The following RPTOR variants were observed in gnomAD, a reference collection of about 807,000 sequenced individuals.
The protein encoded by RPTOR is regulatory-associated protein of mTOR.
In RPTOR, 21 loss-of-function variants were observed where a neutral mutation model predicts 169.9. The observed-to-expected ratio is 0.12, with a 90% CI of 0.09 to 0.18. The LOEUF (loss-of-function observed/expected upper bound fraction) is 0.18. Among genes scored for constraint, RPTOR ranks in the 10% least tolerant of loss-of-function variants. The pLI, the probability that RPTOR is intolerant of heterozygous loss-of-function variation, is 1.00. For synonymous variants in RPTOR, 732 were observed against 753.2 expected (o/e 0.97, Z 0.46); for missense variants, 1,133 against 1,855.9 (o/e 0.61, Z 7.16).
intron 20 of RPTOR, among the ~76,000 whole-genome samples, chr17:80,902,323 C>A (rs1039172746): frequency 6.6e-6 from 1 of 152,236 alleles, no homozygotes; most frequent in African/African-American, 2.4e-5. Context: ...TCCTGCCCCC[C>A]GTCTCAGCAG....
At chr17:80,658,715 T>C (rs2065698119) in intron 3 of RPTOR, among the ~76,000 whole-genome samples, 1 of 149,566 alleles carries the variant, frequency 6.7e-6, no homozygotes, top group Non-Finnish European at 1.5e-5. Flanking sequence ...TCTCATGTTC[T>C]GTTCCGAGTT....
chr17:80,583,511 G>T (rs1411780919), intron 1 of RPTOR, among the ~76,000 whole-genome samples: 2 of 152,150 alleles, frequency 1.3e-5, no homozygotes, highest in African/African-American at 4.8e-5. Context: ...TCTTTCTGAG[G>T]CCTGTCCCAC....
At chr17:80,768,168 A>AT (rs201321528) in intron 6 of RPTOR, among the ~76,000 whole-genome samples, 63 of 151,638 alleles carry the variant, frequency 4.2e-4, no homozygotes, top group Admixed American at 3.1e-3. Flanking sequence ...GACCACGTGA[A>AT]TTTTTTTTTA....
At chr17:80,893,910 C>T (rs745523608) in intron 20 of RPTOR, 45 bp downstream of exon 20, 3 of 1,501,162 alleles carry the variant, frequency 2.0e-6, no homozygotes, top group African/African-American at 1.4e-5. Context: ...CCCCGAGGGT[C>T]TCCTCCCCAC....
chr17:80,762,974 A>G (rs1377242101), intron 6 of RPTOR, among the ~76,000 whole-genome samples: 1 of 152,256 alleles, frequency 6.6e-6, no homozygotes, highest in African/African-American at 2.4e-5. Flanking sequence ...TCAAAGGGCC[A>G]TGATTCTTGT....
At chr17:80,869,735 G>A (rs1204303254) in intron 13 of RPTOR, among the ~76,000 whole-genome samples, 1 of 152,188 alleles carries the variant, frequency 6.6e-6, no homozygotes, top group South Asian at 2.1e-4. Context: ...GCTCATGGAA[G>A]CAAATGTCCT....
rs2065637682 is a variant in RPTOR, at chr17:80,651,352, G to T, written c.348+7542G>T. 6.6e-6 allele frequency among the ~76,000 whole-genome samples: 1 copy of T among 152,158 alleles called. No individual in the cohort carries two copies. The highest frequency in any genetic ancestry group is 1.5e-5 in the Non-Finnish European group (1 of 68,020). ...AAATTGGAAAGTGCTGATCAAGGGG[G>T]AAACGATCAATAACAGATTGGAGGG... On this transcript the variant is annotated intron_variant, in intron 3 of 33. Transcript: ENST00000306801. The surrounding 1 kb of genome is among the most constrained non-coding windows in gnomAD (Gnocchi z 4.1).
Position 80,545,562 on chromosome 17 carries a change from G to T in RPTOR, c.-68G>T, listed in dbSNP as rs977464226. Reference sequence around the variant, plus strand: ...TCTTATTTCACCAATTCTGGTACACGCTAGTTTTTAAGGCTGGAGGTTCTC... The same window carrying T: ...TCTTATTTCACCAATTCTGGTACACTCTAGTTTTTAAGGCTGGAGGTTCTC... On this transcript the variant is annotated 5_prime_UTR_variant, in exon 1 of 34. Transcript: ENST00000306801. The T allele has an allele frequency of 1.2e-5, 14 of 1,200,186 alleles. No homozygotes were observed. In the Admixed American group the frequency reaches 2.9e-4, roughly 25 times the overall value. The allele number at this position is 1,200,186 out of a possible 1,614,324, so 74.3% of individuals were successfully genotyped here. A position where few individuals can be genotyped will look rare whatever the true frequency, so the allele number is the denominator to read the frequency against.
intron 1 of RPTOR, among the ~76,000 whole-genome samples, chr17:80,572,772 G>T (rs1294732670): frequency 6.6e-6 from 1 of 152,134 alleles, no homozygotes; most frequent in Non-Finnish European, 1.5e-5. Flanking sequence ...CCACTCGGAG[G>T]CTTGTTTTTT....
chr17:80,927,599 CGT>C (rs1401087528), intron 24 of RPTOR, among the ~76,000 whole-genome samples: 4 of 37,246 alleles, frequency 1.1e-4, no homozygotes, highest in African/African-American at 1.6e-4. Flanking sequence ...TGTGGAAGGC[CGT>C]GTGTGTGTCT....
chr17:80,823,647 A>T lies in RPTOR; in HGVS notation c.1136+424A>T, dbSNP rs201557119. ...TAGTTTTTATGCTTATTTCTCACAC[A>T]CACACACACACACACACACACACAC... On this transcript the variant is annotated intron_variant, in intron 9 of 33. Coordinates refer to ENST00000306801, the MANE Select transcript of RPTOR (RefSeq NM_020761.3). This position sits in a 1 kb window ranked among gnomAD's most constrained non-coding sequence, Gnocchi z 4.5. 1.5e-4 allele frequency: 13 copies of T among 89,422 alleles called. No homozygotes were observed. In the East Asian group the frequency reaches 2.6e-3, roughly 18 times the overall value. 5.5% of individuals were successfully genotyped at this position (89,422 alleles called of 1,614,324 possible).
chr17:80,888,268 C>A (rs2068273192), intron 17 of RPTOR, among the ~76,000 whole-genome samples: 1 of 152,184 alleles, frequency 6.6e-6, no homozygotes, highest in African/African-American at 2.4e-5. Context: ...GCGCGTGCCA[C>A]CATGCTGGGC....
intron 17 of RPTOR, among the ~76,000 whole-genome samples, chr17:80,888,327 G>C (rs1025412836): frequency 6.6e-6 from 1 of 152,100 alleles, no homozygotes; most frequent in East Asian, 1.9e-4. Context: ...GTTGCCCCAG[G>C]CTGGCCTCAA....
intron 3 of RPTOR, among the ~76,000 whole-genome samples, chr17:80,653,358 CAT>C: frequency 6.6e-6 from 1 of 152,288 alleles, no homozygotes; most frequent in African/African-American, 2.4e-5. Flanking sequence ...GCCTGGGCAA[CAT>C]AGTGAGACCT....
intron 28 of RPTOR, among the ~76,000 whole-genome samples, chr17:80,955,145 C>T (rs1208577132): frequency 3.9e-5 from 6 of 152,210 alleles, no homozygotes; most frequent in East Asian, 1.9e-4. Context: ...TTTATTAATA[C>T]ACTTTTGATT....
chr17:80,850,858 G>A (rs2067786430), intron 11 of RPTOR, among the ~76,000 whole-genome samples: 1 of 152,218 alleles, frequency 6.6e-6, no homozygotes, highest in Admixed American at 6.5e-5. Context: ...GCTGGAACTG[G>A]AGAATCTTTT....
intron 1 of RPTOR, among the ~76,000 whole-genome samples, chr17:80,554,712 C>G (rs1284583221): frequency 1.3e-5 from 2 of 151,772 alleles, no homozygotes; most frequent in Non-Finnish European, 2.9e-5. Flanking sequence ...CCACTGCACT[C>G]CAGCCTGGGT....
rs117609480 is a variant in RPTOR, at chr17:80,664,232, G to T, written c.348+20422G>T. Among the ~76,000 whole-genome samples, 19 of 152,260 alleles carry T rather than the reference G, an allele frequency of 1.2e-4. No homozygotes were observed. The East Asian group carries it at 3.7e-3, about 29-fold the overall frequency. The stretch of plus-strand genomic sequence containing the variant: ...CCAGACTCCTGAAATGTGCTGTGAG[G>T]CTTCCTATTCTTTCTTAATGATTAA... On this transcript the variant is annotated intron_variant, in intron 3 of 33. Coordinates refer to ENST00000306801, the MANE Select transcript of RPTOR (RefSeq NM_020761.3).
At chr17:80,645,343 G>C (rs1240557695) in intron 3 of RPTOR, among the ~76,000 whole-genome samples, 1 of 152,138 alleles carries the variant, frequency 6.6e-6, no homozygotes, top group African/African-American at 2.4e-5. Context: ...GTTTGGCTTT[G>C]TACCTTTGCG....
Sources: allele counts gnomAD v4.1 joint callset (sites outside exome capture counted in the v4.1 genomes callset), GRCh38; gene constraint gnomAD v4.1.1; non-coding constraint Gnocchi (gnomAD v3.1); transcripts MANE v1.5; gene names NCBI Gene and HGNC (gene_info 2026-07-23, HGNC 2026-07-21).